The following ENAH variants were observed in gnomAD, a reference collection of about 807,000 sequenced individuals.
ENAH encodes the protein protein enabled homolog.
In ENAH, 23 loss-of-function variants were observed where a neutral mutation model predicts 78.7. That is an observed-to-expected ratio of 0.29 (90% CI 0.21 to 0.41). The LOEUF is 0.41. Ranked by LOEUF, ENAH falls within the 10% of genes least tolerant of loss-of-function variation. The probability of loss-of-function intolerance (pLI) is 1.00; values close to 1 mark genes in which losing one functional copy is unlikely to be tolerated. For synonymous variants in ENAH, 226 were observed against 241.0 expected (o/e 0.94, Z 0.58); for missense variants, 544 against 691.0 (o/e 0.79, Z 2.39).
At chr1:225,515,029 A>C (rs879914532) in intron 6 of ENAH, 129 bp from the exon 7 acceptor site, 2 of 777,036 alleles carry the variant, frequency 2.6e-6, no homozygotes, top group Non-Finnish European at 4.4e-6. Context: ...AGTCCAATTT[A>C]TCATAGTTGT....
At chr1:225,504,865 G>C in intron 11 of ENAH, 5 of 519,416 alleles carry the variant, frequency 9.6e-6, no homozygotes, top group Non-Finnish European at 1.7e-5. Context: ...ATTTTTAAAA[G>C]GTATTCAAAA....
intron 5 of ENAH, 147 bp from the exon 6 acceptor site, chr1:225,517,453 G>A: frequency 6.4e-7 from 1 of 1,551,754 alleles, no homozygotes; most frequent in Non-Finnish European, 8.7e-7. Context: ...TGCTGGCCCT[G>A]AGGTAGGCGG....
intron 1 of ENAH, among the ~76,000 whole-genome samples, chr1:225,575,330 C>T (rs556301246): frequency 6.6e-6 from 1 of 152,314 alleles, no homozygotes; most frequent in Non-Finnish European, 1.5e-5. Context: ...CCTCTCAATG[C>T]TTCCAGAGGG....
Position 225,565,229 on chromosome 1 carries a change from A to C in ENAH, c.171+2020T>G, listed in dbSNP as rs1211218984. Among the ~76,000 whole-genome samples the C allele has an allele frequency of 2.6e-5, 4 of 152,162 alleles. No individual in the cohort carries two copies. In the East Asian group the frequency reaches 7.7e-4, roughly 29 times the overall value. The stretch of plus-strand genomic sequence containing the variant: ...GGCAGGTGGATCACCTGAGGCCAGG[A>C]GTTCAAAACCAGCCTGACCAACATA... On this transcript the variant is annotated intron_variant, in intron 2 of 13. Coordinates refer to ENST00000366843, the MANE Select transcript of ENAH (RefSeq NM_018212.6).
At chr1:225,558,079 C>T (rs1391737532) in intron 2 of ENAH, among the ~76,000 whole-genome samples, 2 of 152,070 alleles carry the variant, frequency 1.3e-5, no homozygotes, top group African/African-American at 4.8e-5. Context: ...CCTCATATAT[C>T]AATTTTTATA....
At chr1:225,593,155 T>TC (rs1301070095) in intron 1 of ENAH, among the ~76,000 whole-genome samples, 1 of 151,938 alleles carries the variant, frequency 6.6e-6, no homozygotes, top group African/African-American at 2.4e-5. Flanking sequence ...TAGTAGACCT[T>TC]CCCCCCACAC....
chr1:225,536,280 A>C (rs931524906), intron 3 of ENAH, among the ~76,000 whole-genome samples: 1 of 152,094 alleles, frequency 6.6e-6, no homozygotes, highest in Non-Finnish European at 1.5e-5. Flanking sequence ...AATGAAGTAA[A>C]TTCTCTTTAG....
At chr1:225,592,236 G>T (rs2096880553) in intron 1 of ENAH, among the ~76,000 whole-genome samples, 1 of 152,164 alleles carries the variant, frequency 6.6e-6, no homozygotes. Context: ...TTTAACATTT[G>T]ATGTGTTAAC....
intron 1 of ENAH, among the ~76,000 whole-genome samples, chr1:225,645,628 C>T (rs768394161): frequency 6.6e-6 from 1 of 152,172 alleles, no homozygotes; most frequent in Non-Finnish European, 1.5e-5. Context: ...CACCATCTTA[C>T]ATGGTTTTTC....
chr1:225,524,412 T>A (rs2096490376), intron 4 of ENAH, among the ~76,000 whole-genome samples: 1 of 152,238 alleles, frequency 6.6e-6, no homozygotes, highest in African/African-American at 2.4e-5. Context: ...ATGTTCTGAG[T>A]TGGTAATATT....
chr1:225,602,984 A>T (rs193058754), intron 1 of ENAH, among the ~76,000 whole-genome samples: 5 of 152,194 alleles, frequency 3.3e-5, no homozygotes, highest in Admixed American at 2.0e-4. Flanking sequence ...TCAAAAAAAA[A>T]AATAAACTTG....
intron 4 of ENAH, among the ~76,000 whole-genome samples, chr1:225,527,503 A>T (rs1160795906): frequency 6.6e-6 from 1 of 152,204 alleles, no homozygotes; most frequent in Non-Finnish European, 1.5e-5. Flanking sequence ...ACCAGTACTA[A>T]GTGTCTATAT....
At chr1:225,607,039 G>C (rs475090) in intron 1 of ENAH, among the ~76,000 whole-genome samples, 2 of 151,884 alleles carry the variant, frequency 1.3e-5, no homozygotes, top group Non-Finnish European at 2.9e-5. Context: ...GAGTGGAGCA[G>C]AGTGTTTCTT....
In ENAH at chr1:225,537,938, C is replaced by T. The variant is rs375887206; in HGVS notation, c.350-7300G>A. Among the ~76,000 whole-genome samples the T allele has an allele frequency of 2.6e-5, 4 of 152,300 alleles. No homozygotes were observed. The South Asian group carries it at 8.3e-4, about 32-fold the overall frequency. ...ATTTTATTACTGTATATAATTACTACAGTAGACTCTGCATTCATGATTTTC... is the reference window on the plus strand; with the variant it reads ...ATTTTATTACTGTATATAATTACTATAGTAGACTCTGCATTCATGATTTTC... On this transcript the variant is annotated intron_variant, in intron 3 of 13. Transcript: ENST00000366843.
intron 12 of ENAH, among the ~76,000 whole-genome samples, chr1:225,498,764 G>A (rs1006064460): frequency 3.9e-5 from 6 of 152,222 alleles, no homozygotes; most frequent in South Asian, 2.1e-4. Context: ...GAAGTTTAGA[G>A]GAGGAAGATA....
intron 1 of ENAH, among the ~76,000 whole-genome samples, chr1:225,606,274 C>G (rs1052558878): frequency 2.0e-5 from 3 of 151,884 alleles, no homozygotes; most frequent in Non-Finnish European, 4.4e-5. Flanking sequence ...CCAGCCTGGC[C>G]AACACAGCAA....
chr1:225,505,829 A>G (rs2096323999), intron 11 of ENAH, among the ~76,000 whole-genome samples: 1 of 152,170 alleles, frequency 6.6e-6, no homozygotes, highest in South Asian at 2.1e-4. Context: ...GGAGTTCCAG[A>G]ATTTCTATTT....
intron 1 of ENAH, among the ~76,000 whole-genome samples, chr1:225,649,743 T>A (rs1343315631): frequency 1.3e-5 from 2 of 152,216 alleles, no homozygotes; most frequent in Non-Finnish European, 2.9e-5. Flanking sequence ...GAACATAAAC[T>A]ATTATTCAGT....
intron 1 of ENAH, among the ~76,000 whole-genome samples, chr1:225,641,291 T>A (rs1045259141): frequency 6.6e-6 from 1 of 151,474 alleles, no homozygotes; most frequent in African/African-American, 2.4e-5. Context: ...TAGTAAAAAA[T>A]TATGCATTTT....
Sources: gnomAD v4.1 joint callset for allele counts (sites outside exome capture counted in the v4.1 genomes callset) on GRCh38, gnomAD v4.1.1 for gene constraint, MANE v1.5 for transcripts, NCBI Gene and HGNC (gene_info 2026-07-23, HGNC 2026-07-21) for gene names.